Variants in MSH6 observed in about 807,000 individuals in gnomAD.
MSH6 encodes the protein mutS homolog 6.
A neutral mutation model predicts 119.1 loss-of-function variants in MSH6; 85 were observed. The observed-to-expected ratio is 0.71, with a 90% CI of 0.60 to 0.85. The LOEUF is 0.85. Among genes scored for constraint, MSH6 ranks in the 40% least tolerant of loss-of-function variants. The pLI, the probability that MSH6 is intolerant of heterozygous loss-of-function variation, is 0.00. For synonymous variants in MSH6, 830 were observed against 586.9 expected, an observed-to-expected ratio of 1.41 and a Z score of -5.99; for missense variants, 2,163 against 1,655.3, an observed-to-expected ratio of 1.31 and a Z score of -5.32.
intron 5 of MSH6, among the ~76,000 whole-genome samples, chr2:47,804,092 G>C (rs1360809295): frequency 6.6e-6 from 1 of 152,014 alleles, no homozygotes; most frequent in Non-Finnish European, 1.5e-5. Context: ...ATGACCTCTA[G>C]CAACTGTTGA....
Position 47,798,785 on chromosome 2 carries a change from G to C in MSH6, c.802G>C (p.Asp268His), listed in dbSNP as rs1553412217. The C allele has an allele frequency of 9.3e-6, 15 of 1,614,162 alleles. No individual in the cohort carries two copies. Among genetic ancestry groups the C allele is most frequent in the Non-Finnish European group, 1.3e-5 (15 of 1,180,036 alleles). Residue 268 changes from aspartate to histidine, a missense_variant, in exon 4 of 10, where the codon GAC (aspartate) becomes CAC (histidine). By Grantham distance (81) the Asp-to-His change is moderately conservative. Coordinates refer to ENST00000234420, the MANE Select transcript of MSH6 (RefSeq NM_000179.3). Reference protein sequence around the residue: ...IGGSDVEFKPDTKEEGSSDEI... With the variant: ...IGGSDVEFKPHTKEEGSSDEI... Reference sequence around the variant, plus strand: ...TGGCTCTGATGTGGAATTTAAGCCAGACACTAAGGAGGAAGGAAGCAGTGA... The same window carrying C: ...TGGCTCTGATGTGGAATTTAAGCCACACACTAAGGAGGAAGGAAGCAGTGA...
intron 6 of MSH6, 151 bp downstream of exon 6, chr2:47,805,178 T>G: frequency 1.6e-6 from 1 of 628,608 alleles, no homozygotes; most frequent in Non-Finnish European, 2.8e-6. Flanking sequence ...GCATAGTCTC[T>G]CTCTCTTTTT....
In MSH6 at chr2:47,799,456, G is replaced by T. The variant is rs1572723119; in HGVS notation, c.1473G>T (p.Met491Ile). The T allele has an allele frequency of 6.2e-7, 1 of 1,614,160 alleles. No homozygotes were observed. The highest frequency in any genetic ancestry group is 8.5e-7 in the Non-Finnish European group (1 of 1,180,010). ...TGGAACAGACTGAGACTCCAGAAAT[G>T]ATGGAGGCACGATGTAGAAAGATGG... ...ARVEQTETPE[M>I]MEARCRKMAH... The change falls in exon 4 of 10, where the codon ATG (methionine) becomes ATT (isoleucine). Residue 491 changes from methionine (M) to isoleucine (I), a missense_variant. Coordinates refer to ENST00000234420, the MANE Select transcript of MSH6 (RefSeq NM_000179.3).
downstream of MSH6, chr2:47,809,784 T>TAAAC (rs1670483124): frequency 1.1e-6 from 1 of 893,758 alleles, no homozygotes. Flanking sequence ...CAAGCAAATG[T>TAAAC]AAACTGCTTC....
downstream of MSH6, chr2:47,808,215 G>A (rs1670358155): frequency 1.2e-6 from 2 of 1,613,376 alleles, no homozygotes; most frequent in Non-Finnish European, 1.7e-6. Flanking sequence ...ACAAGGATTA[G>A]ACAGTGTTCC....
chr2:47,797,212 T>G (rs1159051631), intron 3 of MSH6, among the ~76,000 whole-genome samples: 2 of 152,334 alleles, frequency 1.3e-5, no homozygotes, highest in Admixed American at 1.3e-4. Context: ...TGAAAGATCA[T>G]TATCCTCTGA....
intron 6 of MSH6, 28 bp from the exon 7 acceptor site, chr2:47,805,588 GTA>G (rs1364359521): frequency 1.4e-6 from 2 of 1,400,916 alleles, no homozygotes; most frequent in Non-Finnish European, 2.0e-6. Flanking sequence ...TGCAAAATGA[GTA>G]TTCATTTGTG....
downstream of MSH6, chr2:47,809,737 C>G: frequency 6.9e-7 from 1 of 1,440,246 alleles, no homozygotes; most frequent in Non-Finnish European, 9.8e-7. Flanking sequence ...CAAGTAGATA[C>G]ATCACTTTAT....
chr2:47,792,146 G>A (rs893246360), intron 2 of MSH6, among the ~76,000 whole-genome samples: 12 of 151,942 alleles, frequency 7.9e-5, no homozygotes, highest in Non-Finnish European at 8.8e-5. Flanking sequence ...GTGCCCAGCC[G>A]CCCAGCTAAT....
chr2:47,799,450 A>G lies in MSH6; in HGVS notation c.1467A>G (p.Pro489=), dbSNP rs1288566407. 5 of 1,614,194 alleles carry G rather than the reference A, an allele frequency of 3.1e-6. No individual in the cohort carries two copies. The highest frequency in any genetic ancestry group is 3.4e-6 in the Non-Finnish European group (4 of 1,180,024). ...KVARVEQTET[P]EMMEARCRKM... ...CACGAGTGGAACAGACTGAGACTCC[A>G]GAAATGATGGAGGCACGATGTAGAA... The change falls in exon 4 of 10, where the codon CCA becomes CCG. Residue 489 remains proline (P), a synonymous_variant. Coordinates refer to ENST00000234420, the MANE Select transcript of MSH6 (RefSeq NM_000179.3).
At chr2:47,807,609 AAAAC>A (rs1265467109), downstream of MSH6, 4 of 219,738 alleles carry the variant, frequency 1.8e-5, no homozygotes, top group African/African-American at 4.5e-5. Context: ...CTTGAAATTA[AAAAC>A]AAACTACATG....
chr2:47,806,771 A>AAACTTTTTTTTTTT lies in MSH6; in HGVS notation c.4002-8_4002-7insAACTTTTTTTTTTT. The AAACTTTTTTTTTTT allele has an allele frequency of 2.0e-6, 3 of 1,514,320 alleles. No individual in the cohort carries two copies. The highest frequency in any genetic ancestry group is 1.8e-6 in the Non-Finnish European group (2 of 1,130,102). The allele number at this position is 1,514,320 out of a possible 1,614,324, so 93.8% of individuals were successfully genotyped here. A position where few individuals can be genotyped will look rare whatever the true frequency, so the allele number is the denominator to read the frequency against. Reference sequence around the variant, plus strand: ...AAAAACTTTTTTTTTTTTTTTTTTAATTTTAAGGGAAGTTTGCCTGGCTAG... The same window carrying AAACTTTTTTTTTTT: ...AAAAACTTTTTTTTTTTTTTTTTTAAAACTTTTTTTTTTTTTTTAAGGGAAGTTTGCCTGGCTAG... On this transcript the variant is annotated splice_region_variant and splice_polypyrimidine_tract_variant and intron_variant, in intron 9 of 9. Coordinates refer to ENST00000234420, the MANE Select transcript of MSH6 (RefSeq NM_000179.3).
intron 4 of MSH6, among the ~76,000 whole-genome samples, chr2:47,802,093 ATTGTT>A (rs1669637209): frequency 6.6e-6 from 1 of 152,228 alleles, no homozygotes; most frequent in Non-Finnish European, 1.5e-5. Flanking sequence ...ACATTTAAAA[ATTGTT>A]TTATTACAAC....
intron 2 of MSH6, among the ~76,000 whole-genome samples, chr2:47,795,422 ATGTG>A (rs10699372): frequency 0.13 from 17,994 of 141,560 alleles, 1,478 homozygotes; most frequent in Non-Finnish European, 0.19. Flanking sequence ...AAGTTATTTT[ATGTG>A]TGTGTGTGTG....
intron 6 of MSH6, among the ~76,000 whole-genome samples, 161 bp from the exon 7 acceptor site, chr2:47,805,457 C>G (rs1369958484): frequency 1.3e-5 from 2 of 152,154 alleles, no homozygotes; most frequent in Non-Finnish European, 2.9e-5. Flanking sequence ...GGATTACAGG[C>G]GTGAGCCACC....
chr2:47,802,449 G>GC (rs1345198092), intron 4 of MSH6, among the ~76,000 whole-genome samples: 1 of 151,968 alleles, frequency 6.6e-6, no homozygotes, highest in Admixed American at 6.6e-5. Flanking sequence ...TCCTTCCTCA[G>GC]CCTCCTGAGT....
At chr2:47,786,212 A>G (rs1281615572) in intron 1 of MSH6, among the ~76,000 whole-genome samples, 1 of 152,206 alleles carries the variant, frequency 6.6e-6, no homozygotes, top group East Asian at 1.9e-4. Context: ...TGTGGGTAGG[A>G]TGAAAGGAGG....
chr2:47,808,214 A>G, downstream of MSH6: 1 of 1,613,490 alleles, frequency 6.2e-7, no homozygotes, highest in South Asian at 1.1e-5. Context: ...TACAAGGATT[A>G]GACAGTGTTC....
chr2:47,805,503 A>T, intron 6 of MSH6, 115 bp from the exon 7 acceptor site: 1 of 799,962 alleles, frequency 1.3e-6, no homozygotes, highest in Non-Finnish European at 2.2e-6. Flanking sequence ...TCTTAATGAG[A>T]TTTAATCTTT....
Sources: gnomAD v4.1 joint callset for allele counts (sites outside exome capture counted in the v4.1 genomes callset) on GRCh38, gnomAD v4.1.1 for gene constraint, MANE v1.5 for transcripts, NCBI Gene and HGNC (gene_info 2026-07-23, HGNC 2026-07-21) for gene names.